The following ARMCX4 variants were observed in gnomAD, a reference collection of about 807,000 sequenced individuals.
ARMCX4 encodes armadillo repeat-containing X-linked protein 4.
A neutral mutation model predicts 34.7 loss-of-function variants in ARMCX4; 3 were observed. The observed-to-expected ratio is 0.09, with a 90% confidence interval of 0.04 to 0.22. The LOEUF (loss-of-function observed/expected upper bound fraction) is 0.22, where lower values mean the gene tolerates loss of function less well. ARMCX4 is among the 10% of genes least tolerant of loss of function. The probability of loss-of-function intolerance (pLI) is 1.00; values close to 1 mark genes in which losing one functional copy is unlikely to be tolerated. For missense variants in ARMCX4, 1,448 were observed against 1,720.8 expected (o/e 0.84, Z 2.81); for synonymous variants, 513 against 632.8 (o/e 0.81, Z 2.84).
rs1569337030 is a variant in ARMCX4, at chrX:101,492,295, T to C, written c.3706T>C (p.Trp1236Arg). The change falls in exon 6 of 6, where the codon TGG (tryptophan) becomes CGG (arginine). Residue 1236 changes from tryptophan (W) to arginine (R), a missense_variant. By Grantham distance (101) the Trp-to-Arg change is moderately radical (BLOSUM62 -3). Coordinates refer to ENST00000423738, the MANE Select transcript of ARMCX4 (RefSeq NM_001256155.3). ...LAGNQAIGEL[W>R]AAGQASDGSW... ...TGGGAATCAGGCCATTGGAGAGCTT[T>C]GGGCTGCGGGTCAGGCCAGTGATGG... The C allele has an allele frequency of 8.8e-7, 1 of 1,139,205 alleles. No individual in the cohort carries two copies. Among genetic ancestry groups the C allele is most frequent in the Non-Finnish European group, 1.2e-6 (1 of 866,004 alleles). 93.9% of individuals were successfully genotyped at this position (1,139,205 alleles called of 1,213,427 possible). A position where few individuals can be genotyped will look rare whatever the true frequency, so the allele number is the denominator to read the frequency against.
In ARMCX4 at chrX:101,489,402, G is replaced by A. The variant is rs1556007924; in HGVS notation, c.813G>A (p.Val271=). The A allele has an allele frequency of 3.5e-6, 4 of 1,155,607 alleles. No individual in the cohort carries two copies. Among genetic ancestry groups the A allele is most frequent in the African/African-American group, 3.6e-5 (2 of 56,303 alleles). The stretch of plus-strand genomic sequence containing the variant: ...ATCCCAATGGCATGTCCAGGGAGGT[G>A]GCTGGAGTGGACATGAAGTCCTGTG... ...RGNPNGMSRE[V]AGVDMKSCAQ... Residue 271 remains valine, a synonymous_variant, in exon 6 of 6, where the codon GTG becomes GTA. Transcript: ENST00000423738.
intron 4 of ARMCX4, among the ~76,000 whole-genome samples, chrX:101,453,935 AAG>A (rs1342541582): frequency 9.0e-5 from 10 of 110,759 alleles, no homozygotes; most frequent in African/African-American, 3.3e-4. Context: ...CTGGACCATG[AAG>A]AGTTTTAGAA....
chrX:101,458,963 A>G (rs1451699341), intron 4 of ARMCX4, among the ~76,000 whole-genome samples: 1 of 112,146 alleles, frequency 8.9e-6, no homozygotes, highest in Non-Finnish European at 1.9e-5. Flanking sequence ...AAAAACTTGG[A>G]TTTTCAAAGT....
At chrX:101,466,231 A>T (rs940391585) in intron 4 of ARMCX4, among the ~76,000 whole-genome samples, 4 of 112,434 alleles carry the variant, frequency 3.6e-5, no homozygotes, top group African/African-American at 1.3e-4. Flanking sequence ...GTGGCTTTAA[A>T]AATGACAAAA....
chrX:101,444,460 C>T (rs782240284), intron 3 of ARMCX4, among the ~76,000 whole-genome samples: 1 of 112,472 alleles, frequency 8.9e-6, no homozygotes, highest in South Asian at 3.6e-4. Context: ...CTTCCCTCTA[C>T]CAAGAATCCT....
At chrX:101,483,727 T>C (rs1264254468), upstream of ARMCX4, among the ~76,000 whole-genome samples, 1 of 111,395 alleles carries the variant, frequency 9.0e-6, no homozygotes, top group Non-Finnish European at 1.9e-5. Context: ...AAAATTTGTA[T>C]GCAATTAATT....
chrX:101,503,542 A>G (rs1934361225), intron 7 of ARMCX4, among the ~76,000 whole-genome samples: 1 of 112,081 alleles, frequency 8.9e-6, no homozygotes, highest in South Asian at 3.7e-4. Flanking sequence ...GCCAGTGGTG[A>G]TGAGCATTTT....
intron 11 of ARMCX4, among the ~76,000 whole-genome samples, chrX:101,521,227 C>A (rs1934848138): frequency 9.0e-6 from 1 of 111,467 alleles, no homozygotes. Context: ...CCACTGTGCC[C>A]AGCCTAAATC....
At chrX:101,503,017 T>G (rs1296883589) in intron 7 of ARMCX4, among the ~76,000 whole-genome samples, 1 of 99,290 alleles carries the variant, frequency 1.0e-5, no homozygotes, top group Non-Finnish European at 2.0e-5. Context: ...TTCCCACCTA[T>G]GAGTGAGAAC....
chrX:101,466,168 C>T (rs1478535752), intron 4 of ARMCX4, among the ~76,000 whole-genome samples: 2 of 111,976 alleles, frequency 1.8e-5, no homozygotes, highest in African/African-American at 6.5e-5. Context: ...AAGAAAACAA[C>T]AACTGAATTT....
intron 11 of ARMCX4, among the ~76,000 whole-genome samples, chrX:101,530,504 T>TA (rs2147728077): frequency 9.1e-6 from 1 of 110,277 alleles, no homozygotes; most frequent in African/African-American, 3.3e-5. Flanking sequence ...AAAATAAAAA[T>TA]AAAAAAGTGG....
At chrX:101,429,979 T>A (rs3027569) in intron 2 of ARMCX4, among the ~76,000 whole-genome samples, 2 of 111,550 alleles carry the variant, frequency 1.8e-5, no homozygotes, top group Non-Finnish European at 1.9e-5. Context: ...TGCTATCCTG[T>A]TACAGAGGTG....
In ARMCX4 at chrX:101,493,863, G is replaced by T. The variant is rs1556010589; in HGVS notation, c.5274G>T (p.Arg1758Ser). The T allele has an allele frequency of 1.7e-6, 2 of 1,153,258 alleles. No individual in the cohort carries two copies. The highest frequency in any genetic ancestry group is 1.9e-5 in the South Asian group (1 of 52,543). Residue 1758 changes from arginine (R) to serine (S), a missense_variant, in exon 6 of 6, where the codon AGG (arginine) becomes AGT (serine). Coordinates refer to ENST00000423738, the MANE Select transcript of ARMCX4 (RefSeq NM_001256155.3). The stretch of plus-strand genomic sequence containing the variant: ...AGGAAAAAGCTGATATTGTGTCCAG[G>T]CCTGATGATAAAGATGAGGCCACTA... ...WTEEKADIVS[R>S]PDDKDEATTA...
Position 101,492,485 on chromosome X carries a change from C to G in ARMCX4, c.3896C>G (p.Ala1299Gly). The G allele has an allele frequency of 8.7e-7, 1 of 1,152,153 alleles. No homozygotes were observed. The highest frequency in any genetic ancestry group is 1.8e-5 in the African/African-American group (1 of 55,867). 95.0% of individuals were successfully genotyped at this position (1,152,153 alleles called of 1,213,427 possible). Residue 1299 changes from alanine (A) to glycine (G), a missense_variant, in exon 6 of 6, where the codon GCC becomes GGC. This residue lies in a region of ARMCX4 where 1,343 missense variants were observed against 1,540.7 expected (regional missense o/e 0.87). Coordinates refer to ENST00000423738, the MANE Select transcript of ARMCX4 (RefSeq NM_001256155.3). The part of the protein sequence containing the change: ...VSYWAGVVDQ[A>G]GGGSWAGTSD... ...TACTGGGCTGGGGTTGTGGATCAGG[C>G]CGGTGGAGGGTCCTGGGCTGGGACT...
intron 12 of ARMCX4, chrX:101,532,431 G>A (rs1355093219): frequency 1.8e-5 from 2 of 111,134 alleles, no homozygotes; most frequent in African/African-American, 6.6e-5. Context: ...TTGTCCTCTC[G>A]TGCCACTGAA....
At chrX:101,519,645 T>C (rs1421125569) in intron 11 of ARMCX4, among the ~76,000 whole-genome samples, 1 of 111,775 alleles carries the variant, frequency 8.9e-6, no homozygotes, top group East Asian at 2.8e-4. Context: ...ACTGCAGATA[T>C]CTCTCTGAGA....
Position 101,489,767 on chromosome X carries a change from G to C in ARMCX4, c.1178G>C (p.Gly393Ala), listed in dbSNP as rs1556008087. Residue 393 changes from glycine to alanine, a missense_variant, in exon 6 of 6, where the codon GGA becomes GCA. Physicochemically the swap from Gly to Ala is moderately conservative, Grantham distance 60. Around this residue, in one of 2 missense-constraint regions of ARMCX4, gnomAD observed 1,343 missense variants for 1,540.7 expected, o/e 0.87. Transcript: ENST00000423738. Reference protein sequence around the residue: ...NTNVISKAITGADMRAAAQPQ... With the variant: ...NTNVISKAITAADMRAAAQPQ... ...AATGTCATATCTAAGGCAATAACTG[G>C]AGCTGACATGAGAGCTGCTGCTCAG... 1 of 1,155,446 alleles carries C rather than the reference G, an allele frequency of 8.7e-7. No individual in the cohort carries two copies. Among genetic ancestry groups the C allele is most frequent in the East Asian group, 3.3e-5 (1 of 30,726 alleles).
intron 11 of ARMCX4, among the ~76,000 whole-genome samples, chrX:101,527,437 A>G (rs1935003475): frequency 9.0e-6 from 1 of 111,634 alleles, no homozygotes; most frequent in South Asian, 3.7e-4. Flanking sequence ...AAGCAAAAGC[A>G]AACAAATTCA....
At chrX:101,525,475 A>G (rs1556020199) in intron 11 of ARMCX4, among the ~76,000 whole-genome samples, 1 of 111,922 alleles carries the variant, frequency 8.9e-6, no homozygotes, top group African/African-American at 3.3e-5. Flanking sequence ...TGACTTTGAC[A>G]AGTTGACAAA....
Sources: allele counts gnomAD v4.1 joint callset (sites outside exome capture counted in the v4.1 genomes callset), GRCh38; gene constraint gnomAD v4.1.1; regional missense constraint gnomAD v4.1.1; transcripts MANE v1.5; gene names NCBI Gene and HGNC (gene_info 2026-07-23, HGNC 2026-07-21).